IRAG1: variants seen among roughly 807,000 people sequenced by gnomAD.
IRAG1 encodes inositol 1,4,5-triphosphate receptor associated 1.
Under a neutral mutation model 106.2 loss-of-function variants are expected in IRAG1, and 62 were observed. The ratio of observed to expected loss-of-function variants is 0.58; its 90% CI spans 0.48 to 0.72. The LOEUF is 0.72. Ranked by LOEUF, IRAG1 falls within the 30% of genes least tolerant of loss-of-function variation. The pLI is 0.00. For missense variants in IRAG1, 1,064 were observed against 1,140.7 expected (o/e 0.93, Z 0.97); for synonymous variants, 462 against 443.9 (o/e 1.04, Z -0.51).
At chr11:10,688,242 G>A (rs1380865430) in intron 1 of IRAG1, among the ~76,000 whole-genome samples, 1 of 152,220 alleles carries the variant, frequency 6.6e-6, no homozygotes, top group South Asian at 2.1e-4. Context: ...GGAGCCACAC[G>A]GTCACTCCAG....
At position 10,627,733 on chromosome 11, in the gene IRAG1, G is replaced by A. The variant is rs777376966; in HGVS notation, c.733C>T (p.Pro245Ser). 6 of 1,614,008 alleles carry A rather than the reference G, an allele frequency of 3.7e-6. No homozygotes were observed. The South Asian group carries it at 6.6e-5, about 18-fold the overall frequency. Residue 245 changes from proline to serine, a missense_variant, in exon 8 of 21, where the codon CCT becomes TCT. By Grantham distance (74) the Pro-to-Ser change is moderately conservative. Transcript: ENST00000423302. Reference protein sequence around the residue: ...QKGDEADVSSPHPGEPNVPKG... With the variant: ...QKGDEADVSSSHPGEPNVPKG... Reference sequence around the variant, plus strand: ...AAACTCACAGGCTCGCCAGGGTGAGGTGAAGAGACGTCGGCCTCATCCCCC... The same window carrying A: ...AAACTCACAGGCTCGCCAGGGTGAGATGAAGAGACGTCGGCCTCATCCCCC...
At chr11:10,666,865 A>G (rs1859822055) in intron 1 of IRAG1, among the ~76,000 whole-genome samples, 1 of 152,138 alleles carries the variant, frequency 6.6e-6, no homozygotes, top group Non-Finnish European at 1.5e-5. Context: ...CAAGGAGCAT[A>G]GGCACTGGGA....
chr11:10,667,368 G>T (rs1859866957), intron 1 of IRAG1, among the ~76,000 whole-genome samples: 1 of 152,166 alleles, frequency 6.6e-6, no homozygotes, highest in South Asian at 2.1e-4. Flanking sequence ...AGGCTTTGTG[G>T]TTGGGACTGG....
intron 2 of IRAG1, among the ~76,000 whole-genome samples, chr11:10,635,005 G>C (rs7119452): frequency 0.41 from 62,622 of 151,808 alleles, 13,191 homozygotes; most frequent in African/African-American, 0.47. Flanking sequence ...CTAAGATTAG[G>C]GACACTACAA....
In IRAG1 at chr11:10,628,798, G is replaced by A; in HGVS notation, c.605C>T (p.Ser202Phe). The A allele has an allele frequency of 6.4e-7, 1 of 1,572,338 alleles. No homozygotes were observed. Among genetic ancestry groups the A allele is most frequent in the Non-Finnish European group, 8.6e-7 (1 of 1,162,548 alleles). The change falls in exon 6 of 21, where the codon TCT (serine) becomes TTT (phenylalanine). Residue 202 changes from serine (S) to phenylalanine (F), a missense_variant. Transcript: ENST00000423302. This position sits in a 1 kb window ranked among gnomAD's most constrained non-coding sequence, Gnocchi z 4.1. Reference sequence around the variant, plus strand: ...TGAGTTGCTCCGAGAGGATGTAGGAGAAGCGCTGGGGCTGAGGTTCGGGGA... The same window carrying A: ...TGAGTTGCTCCGAGAGGATGTAGGAAAAGCGCTGGGGCTGAGGTTCGGGGA... ...AVSPNLSPSA[S>F]PTSSRSNSLT... is the part of the protein sequence containing the mutation.
chr11:10,605,605 C>A (rs570482440), intron 12 of IRAG1, among the ~76,000 whole-genome samples: 1 of 152,170 alleles, frequency 6.6e-6, no homozygotes, highest in Non-Finnish European at 1.5e-5. Flanking sequence ...CACGGAGTAA[C>A]GGAGCCAGGA....
chr11:10,685,868 A>G (rs1370623068), intron 1 of IRAG1, among the ~76,000 whole-genome samples: 6 of 152,196 alleles, frequency 3.9e-5, no homozygotes, highest in African/African-American at 7.2e-5. Context: ...AACATCCCCA[A>G]GGTGATGCTC....
chr11:10,588,431 C>T (rs536952820), intron 18 of IRAG1, among the ~76,000 whole-genome samples: 19 of 152,146 alleles, frequency 1.2e-4, no homozygotes, highest in African/African-American at 3.4e-4. Context: ...CTCACTGAAA[C>T]TTCTCCCGGC....
chr11:10,590,646 T>C (rs549858636), intron 18 of IRAG1, among the ~76,000 whole-genome samples: 1 of 136,298 alleles, frequency 7.3e-6, no homozygotes, highest in Non-Finnish European at 1.6e-5. Flanking sequence ...GTGATCCAGA[T>C]GTTTTTCAGC....
intron 2 of IRAG1, among the ~76,000 whole-genome samples, chr11:10,634,768 T>TGTGTGTGTGC (rs1857013630): frequency 6.6e-6 from 1 of 151,354 alleles, no homozygotes; most frequent in Admixed American, 6.6e-5. Context: ...TGTGTGTGTG[T>TGTGTGTGTGC]GTGTGTGTGT....
At position 10,628,404 on chromosome 11, in the gene IRAG1, G is replaced by T. The variant is rs1027347621; in HGVS notation, c.652+347C>A. Among the ~76,000 whole-genome samples the T allele has an allele frequency of 1.1e-4, 16 of 152,164 alleles. No individual in the cohort carries two copies. Among genetic ancestry groups the T allele is most frequent in the African/African-American group, 3.9e-4 (16 of 41,432 alleles). ...CTGGGTACAGCCTAATGAAAGGGAA[G>T]AAGTCAGACCCCAAAGAGGCCTTTC... On this transcript the variant is annotated intron_variant, in intron 6 of 20. Coordinates refer to ENST00000423302, the MANE Select transcript of IRAG1 (RefSeq NM_130385.4). This position sits in a 1 kb window ranked among gnomAD's most constrained non-coding sequence, Gnocchi z 4.1.
Position 10,628,806 on chromosome 11 carries a change from G to T in IRAG1, c.597C>A (p.Pro199=). 1 of 1,578,376 alleles carries T rather than the reference G, an allele frequency of 6.3e-7. No homozygotes were observed. Among genetic ancestry groups the T allele is most frequent in the East Asian group, 2.4e-5 (1 of 42,416 alleles). The change falls in exon 6 of 21, where the codon CCC becomes CCA. Residue 199 remains proline, a synonymous_variant. Transcript: ENST00000423302. The surrounding 1 kb of genome is among the most constrained non-coding windows in gnomAD (Gnocchi z 4.1). ...SPSAVSPNLS[P]SASPTSSRSN... is the part of the protein sequence containing the mutation. ...TCCGAGAGGATGTAGGAGAAGCGCT[G>T]GGGCTGAGGTTCGGGGAAACAGCTG...
rs1360199191 is a variant in IRAG1, at chr11:10,665,562, T to C, written c.68-13380A>G. Among the ~76,000 whole-genome samples, 1 of 152,194 alleles carries C rather than the reference T, an allele frequency of 6.6e-6. No individual in the cohort carries two copies. Among genetic ancestry groups the C allele is most frequent in the Non-Finnish European group, 1.5e-5 (1 of 68,034 alleles). ...ACCTACCTATCCCTCAGCTCAGAGC[T>C]GGATAGGCTCTCACTCTCAACCCTC... On this transcript the variant is annotated intron_variant, in intron 1 of 20. Transcript: ENST00000423302. The surrounding 1 kb of genome is among the most constrained non-coding windows in gnomAD (Gnocchi z 4.2).
chr11:10,587,714 TTC>T (rs570335630), intron 18 of IRAG1, among the ~76,000 whole-genome samples: 21 of 152,182 alleles, frequency 1.4e-4, no homozygotes, highest in Non-Finnish European at 2.8e-4. Context: ...CTGTGAACGG[TTC>T]CACACACACC....
intron 2 of IRAG1, among the ~76,000 whole-genome samples, chr11:10,650,379 G>A (rs530156520): frequency 6.6e-6 from 1 of 152,192 alleles, no homozygotes; most frequent in Non-Finnish European, 1.5e-5. Context: ...CATCTTTGCT[G>A]ATCTTTTATT....
intron 18 of IRAG1, among the ~76,000 whole-genome samples, chr11:10,588,158 T>C (rs1852234330): frequency 6.6e-6 from 1 of 152,190 alleles, no homozygotes; most frequent in African/African-American, 2.4e-5. Flanking sequence ...TAATTACCAT[T>C]GTCATCAGTG....
Position 10,626,525 on chromosome 11 carries a change from C to T in IRAG1, c.809G>A (p.Gly270Asp), listed in dbSNP as rs766866366. ...TGGAGGAGGACGAGGAGCCAGCCTG[C>T]CCTGAGACACTTTCCTCTGGTCATT... ...KQNDQRKVSQ[G>D]RLAPRPPPVE... Residue 270 changes from glycine to aspartate, a missense_variant, in exon 9 of 21, where the codon GGC becomes GAC. Transcript: ENST00000423302. 1 of 1,613,202 alleles carries T rather than the reference C, an allele frequency of 6.2e-7. No homozygotes were observed. Among genetic ancestry groups the T allele is most frequent in the Non-Finnish European group, 8.5e-7 (1 of 1,179,524 alleles).
chr11:10,682,813 C>G (rs1346348522), intron 1 of IRAG1, among the ~76,000 whole-genome samples: 1 of 152,112 alleles, frequency 6.6e-6, no homozygotes, highest in Admixed American at 6.5e-5. Context: ...AGTAAGAACC[C>G]CTATATATGA....
intron 19 of IRAG1, among the ~76,000 whole-genome samples, chr11:10,581,369 C>G (rs1303134823): frequency 6.6e-6 from 1 of 152,148 alleles, no homozygotes; most frequent in African/African-American, 2.4e-5. Flanking sequence ...AGGACTTGGT[C>G]TCTCCAGTGC....
Sources: allele counts gnomAD v4.1 joint callset (sites outside exome capture counted in the v4.1 genomes callset), GRCh38; gene constraint gnomAD v4.1.1; non-coding constraint Gnocchi (gnomAD v3.1); transcripts MANE v1.5; gene names NCBI Gene and HGNC (gene_info 2026-07-23, HGNC 2026-07-21).